Variants in REEP6 observed in about 807,000 individuals in gnomAD.
REEP6 encodes the protein receptor expression-enhancing protein 6.
A neutral mutation model predicts 22.4 loss-of-function variants in REEP6; 19 were observed. The ratio of observed to expected loss-of-function variants is 0.85; its 90% CI spans 0.59 to 1.25. The LOEUF is 1.25. REEP6 is among the 50% of genes most tolerant of loss of function. The pLI is 0.00. For missense variants in REEP6, 273 were observed against 251.9 expected (o/e 1.08, Z -0.57); for synonymous variants, 121 against 113.6 (o/e 1.06, Z -0.41).
In REEP6 at chr19:1,491,306, G is replaced by C; in HGVS notation, c.37G>C (p.Glu13Gln). 2 of 1,479,030 alleles carry C rather than the reference G, an allele frequency of 1.4e-6. No homozygotes were observed. The highest frequency in any genetic ancestry group is 1.8e-6 in the Non-Finnish European group (2 of 1,116,318). The allele number at this position is 1,479,030 out of a possible 1,614,324, so 91.6% of individuals were successfully genotyped here. A position where few individuals can be genotyped will look rare whatever the true frequency, so the allele number is the denominator to read the frequency against. Residue 13 changes from glutamate (E) to glutamine (Q), a missense_variant, in exon 1 of 5, where the codon GAG becomes CAG. Coordinates refer to ENST00000233596, the MANE Select transcript of REEP6 (RefSeq NM_138393.4). This position sits in a 1 kb window ranked among gnomAD's most constrained non-coding sequence, Gnocchi z 5.4. ...GAGGCAGCGCGTGGAGCACTTCCTG[G>C]AGCAAAGGAACCTGGTCACCGAAGT... ...GLRQRVEHFL[E>Q]QRNLVTEVLG...
Position 1,491,833 on chromosome 19 carries a change from C to A in REEP6, c.115+449C>A, listed in dbSNP as rs901687191. 6.6e-6 allele frequency among the ~76,000 whole-genome samples: 1 copy of A among 152,216 alleles called. No homozygotes were observed. The highest frequency in any genetic ancestry group is 1.9e-4 in the East Asian group (1 of 5,184). On this transcript the variant is annotated intron_variant, in intron 1 of 4. Coordinates refer to ENST00000233596, the MANE Select transcript of REEP6 (RefSeq NM_138393.4). The surrounding 1 kb of genome is among the most constrained non-coding windows in gnomAD (Gnocchi z 5.4). ...TCCTGGGGGCCTGCCCAGGACCCTT[C>A]TCCTTTCCTCCTCCTCTCCTGCCCT...
Position 1,497,231 on chromosome 19 carries a change from C to T in REEP6, c.*20C>T. The T allele has an allele frequency of 2.6e-6, 4 of 1,549,420 alleles. No individual in the cohort carries two copies. Among genetic ancestry groups the T allele is most frequent in the Non-Finnish European group, 3.5e-6 (4 of 1,145,850 alleles). ...AAGTGAAGCAGCCCCCTGAGCCTCA[C>T]AAGGACCTCCTGGCTGGTGAGGAGG... On this transcript the variant is annotated 3_prime_UTR_variant, in exon 5 of 5. Transcript: ENST00000233596. This position sits in a 1 kb window ranked among gnomAD's most constrained non-coding sequence, Gnocchi z 6.5.
intron 1 of REEP6, among the ~76,000 whole-genome samples, chr19:1,494,054 G>A (rs1415535241): frequency 6.6e-6 from 1 of 152,142 alleles, no homozygotes; most frequent in Non-Finnish European, 1.5e-5. Flanking sequence ...TCCAGCCTGG[G>A]TGACAGAGCA....
chr19:1,497,427 C>T lies in REEP6; in HGVS notation c.*216C>T. ...CCCCAGCTCTGGATCCCAGGGCCAG[C>T]TGCCCTCTGGCTCTGGCTGTGGCTC... On this transcript the variant is annotated 3_prime_UTR_variant, in exon 5 of 5. Coordinates refer to ENST00000233596, the MANE Select transcript of REEP6 (RefSeq NM_138393.4). The surrounding 1 kb of genome is among the most constrained non-coding windows in gnomAD (Gnocchi z 6.5). The T allele has an allele frequency of 1.4e-6, 1 of 711,930 alleles. No homozygotes were observed. 44.1% of individuals were successfully genotyped at this position (711,930 alleles called of 1,614,324 possible).
intron 1 of REEP6, among the ~76,000 whole-genome samples, chr19:1,493,859 G>C (rs908090832): frequency 2.0e-5 from 3 of 152,148 alleles, no homozygotes; most frequent in Admixed American, 2.0e-4. Context: ...AGGCCAAGGC[G>C]GGCGGATCAC....
chr19:1,495,711 T>A, intron 3 of REEP6, 104 bp downstream of exon 3: 1 of 1,483,534 alleles, frequency 6.7e-7, no homozygotes, highest in African/African-American at 1.4e-5. Context: ...AGATGGGGGA[T>A]GTGAGGGGAA....
At chr19:1,496,681 C>A (rs759398152) in intron 4 of REEP6, 1 of 712,302 alleles carries the variant, frequency 1.4e-6, no homozygotes, top group East Asian at 2.7e-5. Flanking sequence ...CGTACGTAAC[C>A]GCTGTGGGGA....
At position 1,497,455 on chromosome 19, in the gene REEP6, G is replaced by A. The variant is rs776966166; in HGVS notation, c.*244G>A. ...CCCTCTGGCTCTGGCTGTGGCTCCC[G>A]CCTGTCCGGCAGGGCCCAGGGCCAG... On this transcript the variant is annotated 3_prime_UTR_variant, in exon 5 of 5. Transcript: ENST00000233596. This position sits in a 1 kb window ranked among gnomAD's most constrained non-coding sequence, Gnocchi z 6.5. 16 of 704,640 alleles carry A rather than the reference G, an allele frequency of 2.3e-5. No individual in the cohort carries two copies. The highest frequency in any genetic ancestry group is 1.1e-4 in the African/African-American group (6 of 56,970). 43.6% of individuals were successfully genotyped at this position (704,640 alleles called of 1,614,324 possible). A position where few individuals can be genotyped will look rare whatever the true frequency, so the allele number is the denominator to read the frequency against.
At chr19:1,496,601 C>T in intron 4 of REEP6, 148 bp downstream of exon 4, 1 of 1,061,838 alleles carries the variant, frequency 9.4e-7, no homozygotes, top group Non-Finnish European at 1.4e-6. Flanking sequence ...TCTTGCAGGT[C>T]CTGGCCCGTA....
intron 1 of REEP6, among the ~76,000 whole-genome samples, chr19:1,492,741 C>CCG (rs1555690785): frequency 3.3e-5 from 5 of 152,128 alleles, no homozygotes; most frequent in Non-Finnish European, 7.3e-5. Flanking sequence ...CCAGTTCCCC[C>CCG]CCAATTTTCC....
chr19:1,495,359 A>G lies in REEP6; in HGVS notation c.181A>G (p.Ile61Val). The change falls in exon 2 of 5, where the codon ATC becomes GTC. Residue 61 changes from isoleucine to valine, a missense_variant. Ile to Val is a conservative substitution (Grantham distance 29, BLOSUM62 3). Coordinates refer to ENST00000233596, the MANE Select transcript of REEP6 (RefSeq NM_138393.4). ...CGGAGCGTCTCTGCTGTGCAATCTC[A>G]TCGGATTTGTGTACCCCGCATATGC... is the stretch of plus-strand genomic sequence containing the variant. ...GYGASLLCNL[I>V]GFVYPAYASI... 1.9e-6 allele frequency: 3 copies of G among 1,613,602 alleles called. No individual in the cohort carries two copies. The highest frequency in any genetic ancestry group is 2.2e-5 in the East Asian group (1 of 44,868).
At chr19:1,494,754 G>T (rs1253125111) in intron 1 of REEP6, among the ~76,000 whole-genome samples, 1 of 151,854 alleles carries the variant, frequency 6.6e-6, no homozygotes, top group African/African-American at 2.4e-5. Flanking sequence ...GCGCGATCTT[G>T]GCTCACTGCA....
chr19:1,493,338 G>A (rs2084981693), intron 1 of REEP6, among the ~76,000 whole-genome samples: 1 of 152,118 alleles, frequency 6.6e-6, no homozygotes, highest in African/African-American at 2.4e-5. Flanking sequence ...AACTCAGAGG[G>A]GACAGTGACT....
rs1373591055 is a variant in REEP6, at chr19:1,496,397, T to A, written c.461T>A (p.Ile154Asn). The change falls in exon 4 of 5, where the codon ATC becomes AAC. Residue 154 changes from isoleucine (I) to asparagine (N), a missense_variant. Ile to Asn is a moderately radical substitution (Grantham distance 149). Coordinates refer to ENST00000233596, the MANE Select transcript of REEP6 (RefSeq NM_138393.4). ...FLRHHGAVDR[I>N]MNDLSGRALD... ...AGGCACCACGGGGCCGTAGACAGAA[T>A]CATGAACGACCTCAGCGGGCGAGCC... 8 of 1,613,182 alleles carry A rather than the reference T, an allele frequency of 5.0e-6. No individual in the cohort carries two copies. The highest frequency in any genetic ancestry group is 5.9e-6 in the Non-Finnish European group (7 of 1,179,890).
At position 1,497,463 on chromosome 19, in the gene REEP6, G is replaced by C. The variant is rs563977399; in HGVS notation, c.*252G>C. ...CTCTGGCTGTGGCTCCCGCCTGTCC[G>C]GCAGGGCCCAGGGCCAGCGTCGGGC... On this transcript the variant is annotated 3_prime_UTR_variant, in exon 5 of 5. Transcript: ENST00000233596. The surrounding 1 kb of genome is among the most constrained non-coding windows in gnomAD (Gnocchi z 6.5). The C allele has an allele frequency of 4.2e-4, 295 of 703,078 alleles. 3 individuals carry two copies. In the East Asian group the frequency reaches 7.8e-3, roughly 19 times the overall value. 43.6% of individuals were successfully genotyped at this position (703,078 alleles called of 1,614,324 possible).
At position 1,497,287 on chromosome 19, in the gene REEP6, A is replaced by T; in HGVS notation, c.*76A>T. ...GCGCCAGGCTCCCAGGCCTCCACAG[A>T]GTCTTCAGCGCATCCCCCAACAGCA... is the stretch of plus-strand genomic sequence containing the variant. On this transcript the variant is annotated 3_prime_UTR_variant, in exon 5 of 5. Coordinates refer to ENST00000233596, the MANE Select transcript of REEP6 (RefSeq NM_138393.4). This position sits in a 1 kb window ranked among gnomAD's most constrained non-coding sequence, Gnocchi z 6.5. The T allele has an allele frequency of 1.5e-6, 2 of 1,332,046 alleles. No individual in the cohort carries two copies. The highest frequency in any genetic ancestry group is 2.1e-6 in the Non-Finnish European group (2 of 946,616). 82.5% of individuals were successfully genotyped at this position (1,332,046 alleles called of 1,614,324 possible). A position where few individuals can be genotyped will look rare whatever the true frequency, so the allele number is the denominator to read the frequency against.
chr19:1,497,151 C>A lies in REEP6; in HGVS notation c.518-23C>A. The A allele has an allele frequency of 7.3e-7, 1 of 1,369,306 alleles. No homozygotes were observed. The highest frequency in any genetic ancestry group is 9.6e-7 in the Non-Finnish European group (1 of 1,037,734). The allele number at this position is 1,369,306 out of a possible 1,614,324, so 84.8% of individuals were successfully genotyped here. Reference sequence around the variant, plus strand: ...GCCCAGGCCTGCCTCACGGCCCTCCCCCACCCGCCCCTCTCTCTGCAGTCA... The same window carrying A: ...GCCCAGGCCTGCCTCACGGCCCTCCACCACCCGCCCCTCTCTCTGCAGTCA... On this transcript the variant is annotated intron_variant, in intron 4 of 4. Transcript: ENST00000233596. The surrounding 1 kb of genome is among the most constrained non-coding windows in gnomAD (Gnocchi z 6.5).
chr19:1,494,336 G>T (rs2084988622), intron 1 of REEP6, among the ~76,000 whole-genome samples: 1 of 152,148 alleles, frequency 6.6e-6, no homozygotes, highest in African/African-American at 2.4e-5. Context: ...CCCCGCCCCA[G>T]GGGACACTGG....
intron 1 of REEP6, among the ~76,000 whole-genome samples, chr19:1,493,290 A>G (rs919233484): frequency 6.6e-6 from 1 of 152,010 alleles, no homozygotes; most frequent in Non-Finnish European, 1.5e-5. Context: ...ACCTCCTTTA[A>G]ATTGACAAAT....
Sources: gnomAD v4.1 joint callset for allele counts (sites outside exome capture counted in the v4.1 genomes callset) on GRCh38, gnomAD v4.1.1 for gene constraint, Gnocchi (gnomAD v3.1) non-coding constraint, MANE v1.5 for transcripts, NCBI Gene and HGNC (gene_info 2026-07-23, HGNC 2026-07-21) for gene names.